The following TRAK1 variants were observed in gnomAD, a reference collection of about 807,000 sequenced individuals.
The protein encoded by TRAK1 is trafficking kinesin-binding protein 1.
In TRAK1, 33 loss-of-function variants were observed where a neutral mutation model predicts 92.1. The ratio of observed to expected loss-of-function variants is 0.36; its 90% CI spans 0.27 to 0.48. TRAK1 has a LOEUF of 0.48. TRAK1 is among the 20% of genes least tolerant of loss of function. TRAK1 has a pLI of 0.99. For missense variants in TRAK1, 1,123 were observed against 1,257.9 expected, an observed-to-expected ratio of 0.89 and a Z score of 1.62; for synonymous variants, 521 against 517.3, an observed-to-expected ratio of 1.01 and a Z score of -0.10.
upstream of TRAK1, among the ~76,000 whole-genome samples, chr3:42,085,430 A>G (rs568747110): frequency 9.8e-5 from 15 of 152,292 alleles, no homozygotes; most frequent in African/African-American, 3.4e-4. Flanking sequence ...TGGCCTCCCA[A>G]AGTGCTGGGA....
chr3:42,058,294 T>C (rs1035568759), intron 1 of TRAK1, among the ~76,000 whole-genome samples: 1 of 152,236 alleles, frequency 6.6e-6, no homozygotes, highest in Non-Finnish European at 1.5e-5. Flanking sequence ...ATCTTTATTA[T>C]GATAACTGAG....
intron 14 of TRAK1, among the ~76,000 whole-genome samples, chr3:42,216,478 T>A: frequency 6.6e-6 from 1 of 152,218 alleles, no homozygotes; most frequent in East Asian, 1.9e-4. Flanking sequence ...GGTCTCACTC[T>A]GTAAGAGTGA....
intron 2 of TRAK1, among the ~76,000 whole-genome samples, chr3:42,140,365 C>T (rs1698492590): frequency 6.6e-6 from 1 of 152,204 alleles, no homozygotes; most frequent in South Asian, 2.1e-4. Flanking sequence ...CGCAGTGGCT[C>T]ATGCCTGTAA....
upstream of TRAK1, among the ~76,000 whole-genome samples, chr3:42,084,788 CA>C (rs1704595850): frequency 6.6e-6 from 1 of 150,980 alleles, no homozygotes; most frequent in African/African-American, 2.5e-5. Context: ...CTAGGCGTGA[CA>C]ATCCCGTTTT....
intron 2 of TRAK1, among the ~76,000 whole-genome samples, chr3:42,175,290 C>T (rs935838290): frequency 6.6e-5 from 10 of 152,084 alleles, no homozygotes; most frequent in Non-Finnish European, 1.5e-4. Context: ...CACAGCTGTG[C>T]GTGAAGAAGA....
In TRAK1 at chr3:42,072,241, G is replaced by A. The variant is rs533735902; in HGVS notation, c.-518-14863G>A. Among the ~76,000 whole-genome samples, 742 of 152,198 alleles carry A rather than the reference G, an allele frequency of 4.9e-3. 4 individuals are homozygous for A. Among genetic ancestry groups the A allele is most frequent in the Middle Eastern group, 0.014 (4 of 294 alleles). ...GGTCACCATTCCTACACTGGCCTGG[G>A]AGTGCTGTCTCTCTCGGGAGTCGCC... On this transcript the variant is annotated intron_variant, in intron 1 of 16. Coordinates refer to the TRAK1 transcript ENST00000487159.
Position 42,189,000 on chromosome 3 carries a change from G to A in TRAK1, c.582-16G>A, listed in dbSNP as rs747597730. 40 of 1,583,590 alleles carry A rather than the reference G, an allele frequency of 2.5e-5. No individual in the cohort carries two copies. The highest frequency in any genetic ancestry group is 1.7e-4 in the Middle Eastern group (1 of 6,042). ...AAATGCGTCTCCCTAGGTTGTGAGC[G>A]TACTTTCTCCCCCAGGTTGAAGAGG... On this transcript the variant is annotated splice_polypyrimidine_tract_variant and intron_variant, in intron 5 of 15. Transcript: ENST00000327628.
At chr3:42,148,471 A>G (rs1031568813) in intron 2 of TRAK1, among the ~76,000 whole-genome samples, 8 of 152,206 alleles carry the variant, frequency 5.3e-5, no homozygotes, top group African/African-American at 1.9e-4. Flanking sequence ...ACTAATATTA[A>G]CTGTATTTTT....
At chr3:42,211,777 A>G (rs1009881341) in intron 14 of TRAK1, 1 of 985,344 alleles carries the variant, frequency 1.0e-6, no homozygotes, top group African/African-American at 1.7e-5. Context: ...TCTCCTTAAA[A>G]TAAACACTGA....
chr3:42,018,851 T>C (rs1338062751), intron 1 of TRAK1, among the ~76,000 whole-genome samples: 1 of 152,200 alleles, frequency 6.6e-6, no homozygotes, highest in African/African-American at 2.4e-5. Flanking sequence ...TGGCTGAGTG[T>C]GGTGGCTTAC....
rs927206342 is a variant in TRAK1, at chr3:42,224,243, G to C, written c.*506G>C. ...CCATCCTCAGCCACGTGCAGCTGAC[G>C]TGGCTTTCCTGATCGGAGGGCTTTT... On this transcript the variant is annotated 3_prime_UTR_variant, in exon 16 of 16. Transcript: ENST00000327628. 1 of 354,894 alleles carries C rather than the reference G, an allele frequency of 2.8e-6. No homozygotes were observed. Among genetic ancestry groups the C allele is most frequent in the Non-Finnish European group, 5.4e-6 (1 of 184,062 alleles). The allele number at this position is 354,894 out of a possible 1,614,324, so 22.0% of individuals were successfully genotyped here. A position where few individuals can be genotyped will look rare whatever the true frequency, so the allele number is the denominator to read the frequency against.
intron 1 of TRAK1, among the ~76,000 whole-genome samples, chr3:42,048,251 G>C (rs964787096): frequency 6.6e-6 from 1 of 151,990 alleles, no homozygotes; most frequent in Non-Finnish European, 1.5e-5. Flanking sequence ...AGTTTACCAC[G>C]GGTCTGAAAT....
chr3:42,097,758 G>A (rs150230339), intron 1 of TRAK1, among the ~76,000 whole-genome samples: 11 of 152,242 alleles, frequency 7.2e-5, no homozygotes, highest in Admixed American at 2.6e-4. Flanking sequence ...CCTGCTGGGC[G>A]TACCTGAACT....
At chr3:42,099,092 G>A (rs1056862989) in intron 1 of TRAK1, among the ~76,000 whole-genome samples, 4 of 152,196 alleles carry the variant, frequency 2.6e-5, no homozygotes, top group African/African-American at 9.6e-5. Context: ...GAGGTGGCCC[G>A]GGTGTGGCTG....
intron 1 of TRAK1, among the ~76,000 whole-genome samples, chr3:42,018,834 A>G (rs1701625022): frequency 6.6e-6 from 1 of 152,214 alleles, no homozygotes; most frequent in African/African-American, 2.4e-5. Flanking sequence ...CTTAAAATGC[A>G]TATTAATGGC....
intron 1 of TRAK1, among the ~76,000 whole-genome samples, chr3:42,102,703 A>G (rs1166211934): frequency 3.9e-5 from 6 of 152,178 alleles, no homozygotes; most frequent in Non-Finnish European, 7.4e-5. Flanking sequence ...TCCAGTGTGC[A>G]TGCGGGCCCC....
chr3:42,156,196 G>A (rs891575174), intron 2 of TRAK1, among the ~76,000 whole-genome samples: 1 of 152,336 alleles, frequency 6.6e-6, no homozygotes, highest in South Asian at 2.1e-4. Context: ...TGGGGGTTGT[G>A]TTTTGCTTTG....
intron 1 of TRAK1, among the ~76,000 whole-genome samples, chr3:42,033,745 T>C (rs1702230967): frequency 6.6e-6 from 1 of 152,214 alleles, no homozygotes; most frequent in Non-Finnish European, 1.5e-5. Flanking sequence ...TGACAGCATG[T>C]AAGATGCATT....
intron 1 of TRAK1, among the ~76,000 whole-genome samples, chr3:42,039,134 C>A (rs563417257): frequency 6.6e-6 from 1 of 152,116 alleles, no homozygotes; most frequent in African/African-American, 2.4e-5. Context: ...TGTTTTCTGT[C>A]CCTGGATATG....
Sources: gnomAD v4.1 joint callset for allele counts (sites outside exome capture counted in the v4.1 genomes callset) on GRCh38, gnomAD v4.1.1 for gene constraint, MANE v1.5 for transcripts, NCBI Gene and HGNC (gene_info 2026-07-23, HGNC 2026-07-21) for gene names.